Variants in EYA2 observed in about 807,000 individuals in gnomAD.
The protein encoded by EYA2 is protein phosphatase EYA2.
A neutral mutation model predicts 69.2 loss-of-function variants in EYA2; 31 were observed. The ratio of observed to expected loss-of-function variants is 0.45; its 90% confidence interval spans 0.34 to 0.60. The LOEUF (loss-of-function observed/expected upper bound fraction) is 0.60, where lower values mean the gene tolerates loss of function less well. Among genes scored for constraint, EYA2 ranks in the 20% least tolerant of loss-of-function variants. EYA2 has a pLI of 0.02. For synonymous variants in EYA2, 257 were observed against 279.4 expected (o/e 0.92, Z 0.80); for missense variants, 622 against 701.2 (o/e 0.89, Z 1.28).
intron 1 of EYA2, among the ~76,000 whole-genome samples, chr20:46,902,789 G>T (rs910380595): frequency 6.6e-5 from 10 of 152,206 alleles, no homozygotes; most frequent in African/African-American, 2.4e-4. Flanking sequence ...TAGCATCACT[G>T]CAGTTAGTGG....
At chr20:47,082,280 T>A (rs967798173) in intron 7 of EYA2, among the ~76,000 whole-genome samples, 6 of 152,096 alleles carry the variant, frequency 3.9e-5, no homozygotes, top group African/African-American at 1.2e-4. Flanking sequence ...TAAAATTTTT[T>A]AAAAATAAGA....
At chr20:47,037,157 T>TCGCTCACTATCATGAGAACA in intron 5 of EYA2, among the ~76,000 whole-genome samples, 1 of 152,160 alleles carries the variant, frequency 6.6e-6, no homozygotes, top group Non-Finnish European at 1.5e-5. Context: ...TCATGAGAAC[T>TCGCTCACTATCATGAGAACA]CGCTCACTAT....
At chr20:47,128,760 G>A (rs2033261796) in intron 9 of EYA2, among the ~76,000 whole-genome samples, 1 of 152,062 alleles carries the variant, frequency 6.6e-6, no homozygotes, top group Non-Finnish European at 1.5e-5. Flanking sequence ...TGTAAAACAG[G>A]GAAAAGATAT....
intron 11 of EYA2, among the ~76,000 whole-genome samples, chr20:47,171,772 T>G (rs2034326453): frequency 6.6e-6 from 1 of 151,992 alleles, no homozygotes; most frequent in Admixed American, 6.6e-5. Flanking sequence ...AGCATCTGAG[T>G]TAATGGTGAG....
intron 1 of EYA2, among the ~76,000 whole-genome samples, chr20:46,923,438 T>C (rs1985271346): frequency 6.6e-6 from 1 of 152,166 alleles, no homozygotes; most frequent in Non-Finnish European, 1.5e-5. Flanking sequence ...AGTACCCAGT[T>C]CTAGACTGGA....
intron 5 of EYA2, among the ~76,000 whole-genome samples, chr20:47,037,427 G>T (rs370026412): frequency 6.6e-6 from 1 of 152,162 alleles, no homozygotes; most frequent in African/African-American, 2.4e-5. Context: ...GCATTATTAC[G>T]TGTTGCATTG....
intron 9 of EYA2, among the ~76,000 whole-genome samples, chr20:47,123,178 CAG>C: frequency 6.6e-6 from 1 of 151,530 alleles, no homozygotes; most frequent in Non-Finnish European, 1.5e-5. Flanking sequence ...TTTTAATTGA[CAG>C]ATAATAATTG....
Position 47,031,695 on chromosome 20 carries a change from T to G in EYA2, c.415+15398T>G, listed in dbSNP as rs1984426406. Among the ~76,000 whole-genome samples the G allele has an allele frequency of 2.6e-5, 4 of 152,234 alleles. No individual in the cohort carries two copies. In the South Asian group the frequency reaches 8.3e-4, roughly 32 times the overall value. On this transcript the variant is annotated intron_variant, in intron 5 of 15. Coordinates refer to ENST00000327619, the MANE Select transcript of EYA2 (RefSeq NM_005244.5). ...TCACTTGTTTCTTATTTCATTTGTT[T>G]ATCATTTTTATTTCTGACGTTTCGA... is the stretch of plus-strand genomic sequence containing the variant.
At chr20:47,103,311 C>T (rs1408323236) in intron 9 of EYA2, among the ~76,000 whole-genome samples, 1 of 152,126 alleles carries the variant, frequency 6.6e-6, no homozygotes, top group Non-Finnish European at 1.5e-5. Context: ...CTTTCTTTCT[C>T]TACAGATTTG....
At chr20:47,162,482 A>G (rs1040067886) in intron 10 of EYA2, among the ~76,000 whole-genome samples, 2 of 147,916 alleles carry the variant, frequency 1.4e-5, no homozygotes, top group African/African-American at 5.0e-5. Context: ...ATTTGTAATT[A>G]ATTTTTTTCA....
chr20:47,023,692 C>T (rs1256652165), intron 5 of EYA2, among the ~76,000 whole-genome samples: 2 of 127,208 alleles, frequency 1.6e-5, no homozygotes, highest in Non-Finnish European at 3.1e-5. Context: ...GGCTGGAGTG[C>T]AGTGGCGTAA....
intron 15 of EYA2, among the ~76,000 whole-genome samples, chr20:47,185,937 G>A (rs1333386413): frequency 6.6e-6 from 1 of 152,132 alleles, no homozygotes; most frequent in African/African-American, 2.4e-5. Context: ...ATGCGGTGCA[G>A]CAATGAGCAT....
At chr20:47,127,699 T>C (rs554536646) in intron 9 of EYA2, among the ~76,000 whole-genome samples, 11 of 152,210 alleles carry the variant, frequency 7.2e-5, no homozygotes, top group Admixed American at 1.3e-4. Flanking sequence ...CCCCAAGGGC[T>C]CAGAGCTGTG....
Position 46,967,144 on chromosome 20 carries a change from C to A in EYA2, c.-10-22857C>A, listed in dbSNP as rs575956596. On this transcript the variant is annotated intron_variant, in intron 1 of 15. Coordinates refer to ENST00000327619, the MANE Select transcript of EYA2 (RefSeq NM_005244.5). Reference sequence around the variant, plus strand: ...AAGTAGCTGGGACTACAGGCACACACCACCACATCCAGCTAATTTTTGTTT... The same window carrying A: ...AAGTAGCTGGGACTACAGGCACACAACACCACATCCAGCTAATTTTTGTTT... Among the ~76,000 whole-genome samples the A allele has an allele frequency of 2.0e-4, 31 of 152,338 alleles. 1 individual carries two copies. Among genetic ancestry groups the A allele is most frequent in the Admixed American group, 2.0e-3 (31 of 15,304 alleles).
intron 11 of EYA2, 38 bp downstream of exon 11, chr20:47,169,235 T>G (rs3091653): frequency 6.3e-7 from 1 of 1,591,600 alleles, no homozygotes; most frequent in Non-Finnish European, 8.6e-7. Context: ...CATTGATTGA[T>G]TGATTGATTA....
Position 47,107,712 on chromosome 20 carries a change from G to GGAA in EYA2, c.888+10560_888+10562dup, listed in dbSNP as rs368721999. Among the ~76,000 whole-genome samples, 860 of 141,366 alleles carry GGAA rather than the reference G, an allele frequency of 6.1e-3. 16 individuals carry two copies. Among genetic ancestry groups the GGAA allele is most frequent in the African/African-American group, 0.022 (814 of 37,834 alleles). 92.7% of individuals were successfully genotyped at this position (141,366 alleles called of 152,430 possible). A position where few individuals can be genotyped will look rare whatever the true frequency, so the allele number is the denominator to read the frequency against. ...AGAAAGAAAAAACAAAAGAGAAGAAGGAAGAAGAAGAAGAAGAAAAGAAAA... is the reference window on the plus strand; with the variant it reads ...AGAAAGAAAAAACAAAAGAGAAGAAGGAAGAAGAAGAAGAAGAAGAAAAGAAAA... On this transcript the variant is annotated intron_variant, in intron 9 of 15. Coordinates refer to ENST00000327619, the MANE Select transcript of EYA2 (RefSeq NM_005244.5).
chr20:46,953,116 G>A (rs1046273827), intron 1 of EYA2, among the ~76,000 whole-genome samples: 1 of 152,190 alleles, frequency 6.6e-6, no homozygotes, highest in East Asian at 1.9e-4. Flanking sequence ...TGGAAAACAC[G>A]AAAGGGAGAT....
chr20:46,909,265 G>A (rs1984529044), intron 1 of EYA2, among the ~76,000 whole-genome samples: 1 of 152,126 alleles, frequency 6.6e-6, no homozygotes, highest in African/African-American at 2.4e-5. Flanking sequence ...TGGGGTGATA[G>A]TTTCCAATGG....
intron 2 of EYA2, among the ~76,000 whole-genome samples, chr20:46,993,956 AC>A (rs2146334035): frequency 6.6e-6 from 1 of 152,372 alleles, no homozygotes; most frequent in South Asian, 2.1e-4. Flanking sequence ...ATATATTAAT[AC>A]AAACATATGT....
Sources: allele counts gnomAD v4.1 joint callset (sites outside exome capture counted in the v4.1 genomes callset), GRCh38; gene constraint gnomAD v4.1.1; transcripts MANE v1.5; gene names NCBI Gene and HGNC (gene_info 2026-07-23, HGNC 2026-07-21).